The following CYRIB variants were observed in gnomAD, a reference collection of about 807,000 sequenced individuals.
CYRIB encodes the protein CYFIP-related Rac1 interactor B.
Under a neutral mutation model 44.2 loss-of-function variants are expected in CYRIB, and 8 were observed. That is an observed-to-expected ratio of 0.18 (90% confidence interval 0.11 to 0.33). CYRIB has a LOEUF of 0.33. CYRIB is among the 10% of genes least tolerant of loss of function. CYRIB has a pLI of 1.00. For synonymous variants in CYRIB, 131 were observed against 127.2 expected (o/e 1.03, Z -0.20); for missense variants, 185 against 382.8 (o/e 0.48, Z 4.31).
chr8:130,006,384 A>G (rs2097063836), intron 1 of CYRIB, among the ~76,000 whole-genome samples: 1 of 150,190 alleles, frequency 6.7e-6, no homozygotes, highest in South Asian at 2.1e-4. Context: ...GGGGGGCTGA[A>G]GTGGGAGGAT....
At chr8:129,927,936 G>A (rs1215854605) in intron 1 of CYRIB, among the ~76,000 whole-genome samples, 3 of 151,986 alleles carry the variant, frequency 2.0e-5, no homozygotes, top group Non-Finnish European at 4.4e-5. Context: ...GGAGACTACC[G>A]GAAATCCACA....
intron 1 of CYRIB, among the ~76,000 whole-genome samples, chr8:130,000,863 G>A (rs538482728): frequency 1.9e-4 from 28 of 151,024 alleles, no homozygotes; most frequent in African/African-American, 6.3e-4. Context: ...GCAAGACCCT[G>A]TTTCTAAAAG....
At chr8:130,013,133 T>C (rs2097263920) in intron 1 of CYRIB, among the ~76,000 whole-genome samples, 1 of 152,226 alleles carries the variant, frequency 6.6e-6, no homozygotes, top group Non-Finnish European at 1.5e-5. Context: ...ATTATTACTG[T>C]TGTTGATGAT....
intron 4 of CYRIB, 34 bp from the exon 7 acceptor site, chr8:129,862,368 T>TAACA (rs2050224774): frequency 1.3e-5 from 16 of 1,261,154 alleles, no homozygotes; most frequent in Non-Finnish European, 1.7e-5. Flanking sequence ...TAGTTAGAGT[T>TAACA]AAAAAAAAAA....
At chr8:129,966,110 G>A (rs10112738) in intron 2 of CYRIB, among the ~76,000 whole-genome samples, 2,265 of 152,228 alleles carry the variant, frequency 0.015, 23 homozygotes, top group Middle Eastern at 0.048. Context: ...TGCCTACCTC[G>A]GCTTCCAAAG....
intron 2 of CYRIB, among the ~76,000 whole-genome samples, chr8:129,899,548 A>G (rs1343480191): frequency 6.6e-6 from 1 of 152,240 alleles, no homozygotes; most frequent in Non-Finnish European, 1.5e-5. Flanking sequence ...TATATAAAGC[A>G]AAGTTCAAAT....
At chr8:129,938,586 C>T (rs1165615960) in intron 1 of CYRIB, among the ~76,000 whole-genome samples, 2 of 152,196 alleles carry the variant, frequency 1.3e-5, no homozygotes, top group Admixed American at 6.5e-5. Flanking sequence ...AGGATTCAGG[C>T]ATTTCATCAG....
At chr8:129,988,191 C>T (rs1317163833) in intron 1 of CYRIB, among the ~76,000 whole-genome samples, 1 of 152,156 alleles carries the variant, frequency 6.6e-6, no homozygotes, top group Non-Finnish European at 1.5e-5. Flanking sequence ...CTACGTGATA[C>T]CCGGATGGCC....
intron 1 of CYRIB, among the ~76,000 whole-genome samples, chr8:129,933,700 C>G (rs1010991757): frequency 4.6e-5 from 7 of 152,010 alleles, no homozygotes; most frequent in Non-Finnish European, 8.8e-5. Flanking sequence ...CCTGATGAAA[C>G]CCTGTCTCTA....
intron 1 of CYRIB, among the ~76,000 whole-genome samples, chr8:129,973,080 A>C (rs141522937): frequency 3.0e-4 from 45 of 152,286 alleles, no homozygotes; most frequent in Non-Finnish European, 4.6e-4. Context: ...CCATGGAAAT[A>C]ATTCCATGAA....
chr8:129,970,177 A>G (rs778062349), intron 2 of CYRIB, among the ~76,000 whole-genome samples: 10 of 152,230 alleles, frequency 6.6e-5, no homozygotes, highest in Non-Finnish European at 1.2e-4. Flanking sequence ...CTCGATTAAA[A>G]TAAAAGTTAA....
intron 2 of CYRIB, among the ~76,000 whole-genome samples, chr8:129,886,559 C>CGTTA (rs2062825599): frequency 6.6e-6 from 1 of 152,146 alleles, no homozygotes; most frequent in Non-Finnish European, 1.5e-5. Flanking sequence ...AATAATCTAA[C>CGTTA]ACTCAGCATC....
chr8:129,933,230 C>A (rs536400743), intron 1 of CYRIB, among the ~76,000 whole-genome samples: 1 of 152,134 alleles, frequency 6.6e-6, no homozygotes, highest in African/African-American at 2.4e-5. Flanking sequence ...GCTCTCTCCC[C>A]CTCCACACTC....
intron 1 of CYRIB, among the ~76,000 whole-genome samples, chr8:129,928,500 G>A (rs1427811032): frequency 6.6e-6 from 1 of 151,736 alleles, no homozygotes; most frequent in Non-Finnish European, 1.5e-5. Context: ...ACATTTCACC[G>A]AAACAGATGG....
intron 4 of CYRIB, among the ~76,000 whole-genome samples, chr8:129,867,775 A>G (rs2054605249): frequency 6.6e-6 from 1 of 152,192 alleles, no homozygotes; most frequent in Non-Finnish European, 1.5e-5. Context: ...ACTATGAATA[A>G]GGCGGCCATA....
intron 1 of CYRIB, among the ~76,000 whole-genome samples, chr8:130,012,497 A>G (rs2097249673): frequency 6.7e-6 from 1 of 149,316 alleles, no homozygotes; most frequent in Admixed American, 6.8e-5. Context: ...AAAGAGCACC[A>G]GGGGCTGAGG....
chr8:129,967,388 TTTTTTTTTTGA>T (rs1051697539), intron 2 of CYRIB, among the ~76,000 whole-genome samples: 4 of 147,138 alleles, frequency 2.7e-5, no homozygotes, highest in Admixed American at 2.0e-4. Flanking sequence ...TGTTTTTTTG[TTTTTTTTTTGA>T]GATGGAGTCT....
At position 129,849,593 on chromosome 8, in the gene CYRIB, G is replaced by T. The variant is rs1057059621; in HGVS notation, c.714-224C>A. 1.0e-5 allele frequency: 4 copies of T among 381,142 alleles called. No homozygotes were observed. In the East Asian group the frequency reaches 1.5e-4, roughly 14 times the overall value. The allele number at this position is 381,142 out of a possible 1,614,324, so 23.6% of individuals were successfully genotyped here. A position where few individuals can be genotyped will look rare whatever the true frequency, so the allele number is the denominator to read the frequency against. On this transcript the variant is annotated intron_variant, in intron 9 of 11. Transcript: ENST00000519824. ...GGGATATAAAATTCTTTAATGAGGT[G>T]ATTCAACTTTCAGCTGATGCTGACT...
chr8:129,984,478 A>G (rs1449935823), intron 1 of CYRIB, among the ~76,000 whole-genome samples: 1 of 151,998 alleles, frequency 6.6e-6, no homozygotes, highest in Non-Finnish European at 1.5e-5. Flanking sequence ...CGGCTCAGAG[A>G]GATGGGATGA....
Sources: gnomAD v4.1 joint callset for allele counts (sites outside exome capture counted in the v4.1 genomes callset) on GRCh38, gnomAD v4.1.1 for gene constraint, MANE v1.5 for transcripts, NCBI Gene and HGNC (gene_info 2026-07-23, HGNC 2026-07-21) for gene names.